NEGR1: variants seen among roughly 807,000 people sequenced by gnomAD.
The protein encoded by NEGR1 is IgLON family member 4.
NEGR1 carries 10 observed loss-of-function variants against 40.9 expected under a neutral mutation model. That is an observed-to-expected ratio of 0.24 (90% CI 0.15 to 0.42). The LOEUF is 0.42. Among genes scored for constraint, NEGR1 ranks in the 10% least tolerant of loss-of-function variants. NEGR1 has a pLI of 1.00. For synonymous variants in NEGR1, 185 were observed against 166.8 expected (o/e 1.11, Z -0.84); for missense variants, 352 against 438.9 (o/e 0.80, Z 1.77).
intron 1 of NEGR1, among the ~76,000 whole-genome samples, chr1:71,954,507 G>T (rs909059916): frequency 1.3e-5 from 2 of 151,750 alleles, no homozygotes; most frequent in Non-Finnish European, 2.9e-5. Context: ...ACCCTCTGAA[G>T]TATATATTAT....
At chr1:72,276,381 T>C (rs1242534006) in intron 1 of NEGR1, among the ~76,000 whole-genome samples, 1 of 152,118 alleles carries the variant, frequency 6.6e-6, no homozygotes, top group Non-Finnish European at 1.5e-5. Context: ...ACTGTATGAA[T>C]TGTCTTAGCA....
At chr1:71,985,410 A>G (rs752775583) in intron 1 of NEGR1, among the ~76,000 whole-genome samples, 2 of 152,182 alleles carry the variant, frequency 1.3e-5, no homozygotes, top group Admixed American at 6.5e-5. Context: ...TTTATGTGTA[A>G]TAGTTCATTT....
chr1:71,805,927 C>T (rs1657754693), intron 2 of NEGR1, among the ~76,000 whole-genome samples: 1 of 152,092 alleles, frequency 6.6e-6, no homozygotes, highest in Non-Finnish European at 1.5e-5. Context: ...TGAAAATAAT[C>T]TCAATATGAA....
chr1:71,452,805 C>CAA lies in NEGR1; in HGVS notation c.941-45237_941-45236dup, dbSNP rs1372182056. Among the ~76,000 whole-genome samples, 11 of 22,738 alleles carry CAA rather than the reference C, an allele frequency of 4.8e-4. No individual in the cohort carries two copies. The Admixed American group carries it at 5.8e-3, about 12-fold the overall frequency. The allele number at this position is 22,738 out of a possible 152,430, so 14.9% of individuals were successfully genotyped here. On this transcript the variant is annotated intron_variant, in intron 6 of 6. Coordinates refer to ENST00000357731, the MANE Select transcript of NEGR1 (RefSeq NM_173808.3). ...AGTACAGTAATTGCAAACAAAGAAA[C>CAA]AAAAAAAAACCAAAAAAAAAACACA...
rs571388141 is a variant in NEGR1 at position 72,213,127 on chromosome 1, T to C, written c.176+69192A>G. On this transcript the variant is annotated intron_variant, in intron 1 of 6. Coordinates refer to ENST00000357731, the MANE Select transcript of NEGR1 (RefSeq NM_173808.3). ...AGAATAAATATTGCATCTTTCAGAT[T>C]ACTCTGCTGAAGAACTCAAGGACAT... Among the ~76,000 whole-genome samples, 14 of 152,118 alleles carry C rather than the reference T, an allele frequency of 9.2e-5. 1 individual carries two copies. The South Asian group carries it at 2.9e-3, about 32-fold the overall frequency.
At chr1:71,826,609 A>C (rs1351089505) in intron 2 of NEGR1, among the ~76,000 whole-genome samples, 1 of 151,458 alleles carries the variant, frequency 6.6e-6, no homozygotes, top group African/African-American at 2.4e-5. Context: ...TATGGAAGTA[A>C]GGAAGAAAGA....
chr1:72,254,638 C>T (rs1655204575), intron 1 of NEGR1, among the ~76,000 whole-genome samples: 3 of 146,558 alleles, frequency 2.0e-5, no homozygotes, highest in Middle Eastern at 3.5e-3. Context: ...GGAGGAGGAG[C>T]TTGAAGTGAG....
chr1:71,786,811 G>A (rs1656926540), intron 2 of NEGR1, among the ~76,000 whole-genome samples: 1 of 152,206 alleles, frequency 6.6e-6, no homozygotes. Flanking sequence ...ATACAGTAGA[G>A]TTGTGGAAGA....
At chr1:71,911,164 TATTA>T (rs1424863823) in intron 2 of NEGR1, among the ~76,000 whole-genome samples, 1 of 152,222 alleles carries the variant, frequency 6.6e-6, no homozygotes, top group East Asian at 1.9e-4. Flanking sequence ...ATATACTATT[TATTA>T]GTCAATGACA....
intron 3 of NEGR1, among the ~76,000 whole-genome samples, chr1:71,699,797 C>A (rs192898802): frequency 4.0e-5 from 6 of 151,890 alleles, no homozygotes; most frequent in Admixed American, 3.3e-4. Flanking sequence ...AGGGACCTAG[C>A]GGGTAATTAA....
At chr1:71,574,326 G>A (rs1557572358) in intron 6 of NEGR1, among the ~76,000 whole-genome samples, 1 of 152,154 alleles carries the variant, frequency 6.6e-6, no homozygotes, top group Non-Finnish European at 1.5e-5. Context: ...CAGGAGTCTT[G>A]TGTTTTCTAC....
chr1:71,869,680 A>G (rs558599348), intron 2 of NEGR1, among the ~76,000 whole-genome samples: 10 of 152,294 alleles, frequency 6.6e-5, no homozygotes, highest in African/African-American at 2.4e-4. Flanking sequence ...ATATTAAAAC[A>G]TAGTAACAAT....
At chr1:71,683,013 CT>C (rs35011811) in intron 4 of NEGR1, among the ~76,000 whole-genome samples, 149,640 of 152,180 alleles carry the variant, frequency 0.98, 73,609 homozygotes, top group Middle Eastern at 1. Context: ...GCCAAATAAA[CT>C]TTTTTTCTTT....
At chr1:72,118,748 C>T (rs1206266574) in intron 1 of NEGR1, among the ~76,000 whole-genome samples, 3 of 151,684 alleles carry the variant, frequency 2.0e-5, no homozygotes, top group Non-Finnish European at 2.9e-5. Context: ...TTACTTTAGC[C>T]GAACCCTGAC....
chr1:71,646,316 C>G lies in NEGR1; in HGVS notation c.668-35170G>C, dbSNP rs1036474753. Among the ~76,000 whole-genome samples the G allele has an allele frequency of 2.0e-5, 3 of 151,568 alleles. No homozygotes were observed. The South Asian group carries it at 6.2e-4, about 31-fold the overall frequency. On this transcript the variant is annotated intron_variant, in intron 4 of 6. Coordinates refer to ENST00000357731, the MANE Select transcript of NEGR1 (RefSeq NM_173808.3). ...TTCTTTGATCTCCTAAGGAATAGTG[C>G]ATATAAATTAGAAGGCCACCTGAAC...
chr1:71,662,013 T>C (rs528094490), intron 4 of NEGR1, among the ~76,000 whole-genome samples: 1 of 152,294 alleles, frequency 6.6e-6, no homozygotes, highest in East Asian at 1.9e-4. Flanking sequence ...ATAACATATG[T>C]AGAGTTGTTA....
At chr1:71,709,345 T>A (rs542414478) in intron 3 of NEGR1, among the ~76,000 whole-genome samples, 1 of 152,356 alleles carries the variant, frequency 6.6e-6, no homozygotes, top group African/African-American at 2.4e-5. Context: ...CCATTCTGAC[T>A]GGTGTGAGAT....
At chr1:71,646,526 C>T (rs1023020913) in intron 4 of NEGR1, among the ~76,000 whole-genome samples, 25 of 151,736 alleles carry the variant, frequency 1.6e-4, no homozygotes, top group Non-Finnish European at 3.0e-4. Flanking sequence ...TAGGTTAAAG[C>T]TTTTAACACA....
At chr1:72,044,656 C>T (rs550320861) in intron 1 of NEGR1, among the ~76,000 whole-genome samples, 1 of 151,828 alleles carries the variant, frequency 6.6e-6, no homozygotes, top group Non-Finnish European at 1.5e-5. Context: ...AGTGAAAAAA[C>T]ATAAACTCTG....
Sources: allele counts gnomAD v4.1 joint callset (sites outside exome capture counted in the v4.1 genomes callset), GRCh38; gene constraint gnomAD v4.1.1; transcripts MANE v1.5; gene names NCBI Gene and HGNC (gene_info 2026-07-23, HGNC 2026-07-21).